GPC6: variants seen among roughly 807,000 people sequenced by gnomAD.
GPC6 encodes glypican-6.
Under a neutral mutation model 55.2 loss-of-function variants are expected in GPC6, and 14 were observed. The observed-to-expected ratio is 0.25, with a 90% CI of 0.17 to 0.40. The LOEUF is 0.40. Among genes scored for constraint, GPC6 ranks in the 10% least tolerant of loss-of-function variants. The pLI, the probability that GPC6 is intolerant of heterozygous loss-of-function variation, is 1.00. For synonymous variants in GPC6, 278 were observed against 259.6 expected (o/e 1.07, Z -0.68); for missense variants, 641 against 708.5 (o/e 0.90, Z 1.08).
At chr13:94,290,059 A>G (rs528285703) in intron 5 of GPC6, among the ~76,000 whole-genome samples, 166 of 152,330 alleles carry the variant, frequency 1.1e-3, no homozygotes, top group African/African-American at 3.8e-3. Flanking sequence ...GCAGTTTAGT[A>G]TGAATCAAGT....
At chr13:93,776,180 C>T (rs930731867) in intron 2 of GPC6, among the ~76,000 whole-genome samples, 1 of 151,890 alleles carries the variant, frequency 6.6e-6, no homozygotes, top group African/African-American at 2.4e-5. Context: ...GGTAATCTCT[C>T]AATGTTGTAC....
intron 6 of GPC6, among the ~76,000 whole-genome samples, chr13:94,327,182 C>T (rs1332375110): frequency 1.3e-5 from 2 of 152,204 alleles, no homozygotes; most frequent in East Asian, 3.9e-4. Context: ...CCACTGCCTT[C>T]TGCTGGAGCC....
intron 3 of GPC6, among the ~76,000 whole-genome samples, chr13:93,851,888 G>A (rs531909872): frequency 8.6e-5 from 13 of 151,762 alleles, no homozygotes; most frequent in African/African-American, 3.1e-4. Context: ...GGGGATAATA[G>A]GAAGTGGGGA....
chr13:93,380,265 A>C (rs557847380), intron 1 of GPC6, among the ~76,000 whole-genome samples: 5 of 152,320 alleles, frequency 3.3e-5, no homozygotes, highest in Middle Eastern at 6.8e-3. Flanking sequence ...TAAAGACAGA[A>C]TTTGATGGGT....
chr13:93,236,832 T>C (rs1183774560), intron 1 of GPC6, among the ~76,000 whole-genome samples: 1 of 152,190 alleles, frequency 6.6e-6, no homozygotes, highest in East Asian at 1.9e-4. Flanking sequence ...TTTGGTTTTC[T>C]ATTCCTGAGT....
At chr13:94,084,621 A>ATTTG (rs10674448) in intron 4 of GPC6, among the ~76,000 whole-genome samples, 150,167 of 152,054 alleles carry the variant, frequency 0.99, 74,170 homozygotes, top group East Asian at 1. Context: ...CATGGAGGCA[A>ATTTG]TTTGTTTGTT....
Position 93,437,626 on chromosome 13 carries a change from G to T in GPC6, c.161-107637G>T, listed in dbSNP as rs145294029. Among the ~76,000 whole-genome samples the T allele has an allele frequency of 5.3e-3, 811 of 152,250 alleles. 3 individuals are homozygous for T. The highest frequency in any genetic ancestry group is 0.011 in the South Asian group (52 of 4,820). On this transcript the variant is annotated intron_variant, in intron 1 of 8. Coordinates refer to ENST00000377047, the MANE Select transcript of GPC6 (RefSeq NM_005708.5). ...TTCTATGAAGACTAAAAAATGTAAGGGAGATGCACAAGAAAATTTTGAAGC... is the reference window on the plus strand; with the variant it reads ...TTCTATGAAGACTAAAAAATGTAAGTGAGATGCACAAGAAAATTTTGAAGC...
intron 4 of GPC6, among the ~76,000 whole-genome samples, chr13:94,202,585 C>G: frequency 6.6e-6 from 1 of 152,190 alleles, no homozygotes; most frequent in East Asian, 1.9e-4. Flanking sequence ...GGGTCCCTCC[C>G]ACAACATGTG....
chr13:94,347,113 G>T (rs1878329989), intron 6 of GPC6, among the ~76,000 whole-genome samples: 1 of 152,134 alleles, frequency 6.6e-6, no homozygotes, highest in Non-Finnish European at 1.5e-5. Flanking sequence ...GGAACTGGGG[G>T]TGATGTTATA....
intron 1 of GPC6, among the ~76,000 whole-genome samples, chr13:93,277,042 G>A (rs1410352852): frequency 6.6e-6 from 1 of 152,136 alleles, no homozygotes; most frequent in Non-Finnish European, 1.5e-5. Flanking sequence ...GGTTTCTTTG[G>A]GAGAAAGGGA....
intron 3 of GPC6, among the ~76,000 whole-genome samples, chr13:93,915,263 A>G (rs948299011): frequency 6.6e-6 from 1 of 152,234 alleles, no homozygotes. Context: ...CCTATGTAGT[A>G]CATACTAACA....
chr13:94,330,359 T>C (rs1298700298), intron 6 of GPC6, among the ~76,000 whole-genome samples: 1 of 152,224 alleles, frequency 6.6e-6, no homozygotes, highest in Non-Finnish European at 1.5e-5. Context: ...ACTCTCAGTC[T>C]TGACTGTACA....
At chr13:93,818,190 T>G (rs1886929098) in intron 2 of GPC6, among the ~76,000 whole-genome samples, 1 of 150,770 alleles carries the variant, frequency 6.6e-6, no homozygotes, top group South Asian at 2.1e-4. Flanking sequence ...AAAATATTAC[T>G]TTTCAATTTC....
intron 2 of GPC6, among the ~76,000 whole-genome samples, chr13:93,655,145 G>A (rs1880608007): frequency 6.6e-6 from 1 of 151,262 alleles, no homozygotes; most frequent in African/African-American, 2.4e-5. Context: ...CACCGCGCCC[G>A]GCCCATAACC....
chr13:93,706,336 A>G (rs2138802021), intron 2 of GPC6, among the ~76,000 whole-genome samples: 1 of 152,052 alleles, frequency 6.6e-6, no homozygotes, highest in African/African-American at 2.4e-5. Flanking sequence ...ATTTTTAACC[A>G]GTTATACCCA....
chr13:93,726,246 A>G (rs929557590), intron 2 of GPC6, among the ~76,000 whole-genome samples: 2 of 151,770 alleles, frequency 1.3e-5, no homozygotes, highest in Non-Finnish European at 2.9e-5. Context: ...ATGGTGACAT[A>G]TTTACGTCTG....
chr13:93,456,906 C>T (rs1452642532), intron 1 of GPC6, among the ~76,000 whole-genome samples: 1 of 152,130 alleles, frequency 6.6e-6, no homozygotes, highest in Non-Finnish European at 1.5e-5. Flanking sequence ...ATAATCCCCA[C>T]ATGTCAAGGG....
chr13:94,372,571 G>A (rs970102264), intron 6 of GPC6, among the ~76,000 whole-genome samples: 1 of 152,074 alleles, frequency 6.6e-6, no homozygotes. Context: ...CTACGCCCAC[G>A]GAGTCTCGCT....
intron 2 of GPC6, among the ~76,000 whole-genome samples, chr13:93,810,402 G>A (rs180874957): frequency 6.6e-6 from 1 of 152,286 alleles, no homozygotes; most frequent in East Asian, 1.9e-4. Flanking sequence ...AGCATGTGAT[G>A]ACTGGAAATA....
Sources: allele counts gnomAD v4.1 joint callset (sites outside exome capture counted in the v4.1 genomes callset), GRCh38; gene constraint gnomAD v4.1.1; transcripts MANE v1.5; gene names NCBI Gene and HGNC (gene_info 2026-07-23, HGNC 2026-07-21).